The following DHTKD1 variants were observed in gnomAD, a reference collection of about 807,000 sequenced individuals.
The protein encoded by DHTKD1 is dehydrogenase E1 and transketolase domain containing 1, also known as 2-oxoadipate dehydrogenase complex component E1.
In DHTKD1, 78 loss-of-function variants were observed where a neutral mutation model predicts 101.8. That is an observed-to-expected ratio of 0.77 (90% CI 0.64 to 0.93). The LOEUF (loss-of-function observed/expected upper bound fraction) is 0.93, where lower values mean the gene tolerates loss of function less well. Among genes scored for constraint, DHTKD1 ranks in the 40% least tolerant of loss-of-function variants. DHTKD1 has a pLI of 0.00. For missense variants in DHTKD1, 1,223 were observed against 1,161.7 expected, an observed-to-expected ratio of 1.05 and a Z score of -0.77; for synonymous variants, 462 against 450.3, an observed-to-expected ratio of 1.03 and a Z score of -0.33.
intron 5 of DHTKD1, 47 bp downstream of exon 5, chr10:12,089,302 A>G: frequency 6.3e-7 from 1 of 1,579,114 alleles, no homozygotes; most frequent in Non-Finnish European, 8.6e-7. Flanking sequence ...GAAAACTGGG[A>G]AGAATGTGTG....
chr10:12,120,988 G>A lies in DHTKD1; in HGVS notation c.*100G>A, dbSNP rs1833518412. On this transcript the variant is annotated 3_prime_UTR_variant, in exon 17 of 17. Transcript: ENST00000263035. ...TAATCCCAGCACTTTGGGAGGCCAA[G>A]GCTGGTGGATCACCTGAGGTCAGGA... 4 of 1,049,172 alleles carry A rather than the reference G, an allele frequency of 3.8e-6. No homozygotes were observed. Among genetic ancestry groups the A allele is most frequent in the Non-Finnish European group, 5.6e-6 (4 of 711,874 alleles). 65.0% of individuals were successfully genotyped at this position (1,049,172 alleles called of 1,614,324 possible).
intron 1 of DHTKD1, among the ~76,000 whole-genome samples, chr10:12,076,567 G>T (rs886817380): frequency 6.6e-6 from 1 of 150,518 alleles, no homozygotes; most frequent in Non-Finnish European, 1.5e-5. Flanking sequence ...GTGTGATGAC[G>T]TGCACCTGTA....
At chr10:12,069,220 G>C in intron 1 of DHTKD1, 33 bp downstream of exon 1, 1 of 1,515,736 alleles carries the variant, frequency 6.6e-7, no homozygotes, top group Non-Finnish European at 8.8e-7. Context: ...TGGGAGCGGG[G>C]GCTGGGACGC....
At position 12,091,613 on chromosome 10, in the gene DHTKD1, T is replaced by C. The variant is rs1832991192; in HGVS notation, c.1088T>C (p.Ile363Thr). The C allele has an allele frequency of 1.2e-6, 2 of 1,613,714 alleles. No homozygotes were observed. Among genetic ancestry groups the C allele is most frequent in the African/African-American group, 2.7e-5 (2 of 74,848 alleles). ...HFRIGGSVHLIVNNQLGYTTP... is the reference protein window; with the variant it reads ...HFRIGGSVHLTVNNQLGYTTP... Reference sequence around the variant, plus strand: ...AGAATTGGTGGGAGTGTGCATTTGATTGTTAATAACCAGCTGGGTTACACC... The same window carrying C: ...AGAATTGGTGGGAGTGTGCATTTGACTGTTAATAACCAGCTGGGTTACACC... Residue 363 changes from isoleucine (I) to threonine (T), a missense_variant, in exon 6 of 17, where the codon ATT becomes ACT. By Grantham distance (89) the Ile-to-Thr change is moderately conservative. Transcript: ENST00000263035.
intron 7 of DHTKD1, among the ~76,000 whole-genome samples, chr10:12,095,887 T>C (rs1307462391): frequency 6.6e-6 from 1 of 150,802 alleles, no homozygotes; most frequent in Non-Finnish European, 1.5e-5. Flanking sequence ...CGCGTGCCTG[T>C]AGTCCCAGCT....
chr10:12,089,160 G>T lies in DHTKD1; in HGVS notation c.892G>T (p.Val298Leu), dbSNP rs756540722. The T allele has an allele frequency of 1.9e-6, 3 of 1,614,112 alleles. No individual in the cohort carries two copies. The South Asian group carries it at 3.3e-5, about 18-fold the overall frequency. ...SHLEAVNPVAVGKTRGRQQSR... is the reference protein window; with the variant it reads ...SHLEAVNPVALGKTRGRQQSR... ...CCTGGAGGCCGTCAACCCCGTGGCC[G>T]TGGGCAAAACTCGCGGCAGGCAGCA... is the stretch of plus-strand genomic sequence containing the variant. Residue 298 changes from valine (V) to leucine (L), a missense_variant, in exon 5 of 17, where the codon GTG becomes TTG. Physicochemically the swap from Val to Leu is conservative, Grantham distance 32. Transcript: ENST00000263035.
intron 8 of DHTKD1, 45 bp downstream of exon 8, chr10:12,098,041 C>G (rs138799837): frequency 1.3e-6 from 2 of 1,528,622 alleles, no homozygotes; most frequent in Non-Finnish European, 1.8e-6. Flanking sequence ...CCTTCCTGCT[C>G]AGCAAAGGAG....
chr10:12,082,335 C>A (rs1473064749), intron 2 of DHTKD1, among the ~76,000 whole-genome samples: 1 of 152,132 alleles, frequency 6.6e-6, no homozygotes, highest in Admixed American at 6.6e-5. Flanking sequence ...TGATACCCGC[C>A]TCATTCTGTT....
chr10:12,101,236 G>A, intron 10 of DHTKD1, 55 bp downstream of exon 10: 1 of 1,564,882 alleles, frequency 6.4e-7, no homozygotes, highest in Admixed American at 2.0e-5. Flanking sequence ...TACACTTCCA[G>A]GATTCTTAGA....
At chr10:12,113,123 TC>T in intron 13 of DHTKD1, 59 bp downstream of exon 13, 1 of 1,400,704 alleles carries the variant, frequency 7.1e-7, no homozygotes, top group South Asian at 1.4e-5. Context: ...ACTCCATTTT[TC>T]CCTATTTTCC....
At chr10:12,115,038 G>A (rs1173290121) in intron 13 of DHTKD1, among the ~76,000 whole-genome samples, 7 of 151,088 alleles carry the variant, frequency 4.6e-5, no homozygotes, top group African/African-American at 2.4e-5. Context: ...CTCGTGATCC[G>A]CCCGCCTCGG....
chr10:12,107,945 T>G lies in DHTKD1; in HGVS notation c.2084T>G (p.Ile695Ser). 6.2e-7 allele frequency: 1 copy of G among 1,613,966 alleles called. No individual in the cohort carries two copies. The highest frequency in any genetic ancestry group is 8.5e-7 in the Non-Finnish European group (1 of 1,179,896). Residue 695 changes from isoleucine (I) to serine (S), a missense_variant, in exon 12 of 17, where the codon ATC becomes AGC. Ile to Ser is a moderately radical substitution (Grantham distance 142, BLOSUM62 -2). Transcript: ENST00000263035. This position sits in a 1 kb window ranked among gnomAD's most constrained non-coding sequence, Gnocchi z 4.1. The stretch of plus-strand genomic sequence containing the variant: ...TGGCTCCTACAAAGCGGCATCGTCA[T>G]CCTCCTTCCACATGGCTACGATGGG... ...AKWLLQSGIVILLPHGYDGAG... is the reference protein window; with the variant it reads ...AKWLLQSGIVSLLPHGYDGAG...
At chr10:12,114,899 C>A (rs140389258) in intron 13 of DHTKD1, among the ~76,000 whole-genome samples, 13,356 of 150,304 alleles carry the variant, frequency 0.089, 663 homozygotes, top group Non-Finnish European at 0.12. Context: ...GGGTTCAGGC[C>A]ATTCTCCTGC....
intron 11 of DHTKD1, 146 bp downstream of exon 11, chr10:12,106,542 T>A (rs1185204202): frequency 1.0e-6 from 1 of 1,004,592 alleles, no homozygotes; most frequent in African/African-American, 1.6e-5. Context: ...CACCCTGTTA[T>A]GACGGGAGTG....
intron 1 of DHTKD1, among the ~76,000 whole-genome samples, chr10:12,071,493 C>T (rs1044826016): frequency 4.6e-5 from 7 of 152,096 alleles, no homozygotes; most frequent in African/African-American, 1.2e-4. Flanking sequence ...TTTATTAGGC[C>T]GGGCGCGGTG....
Position 12,084,658 on chromosome 10 carries a change from A to T in DHTKD1, c.429A>T (p.Lys143Asn). The stretch of plus-strand genomic sequence containing the variant: ...CCCAACTTCAGAGCCAGGATGAGAA[A>T]GACTGGTTTGCCAAGCGGTTTGAGG... ...ETSQLQSQDEKDWFAKRFEEL... is the reference protein window; with the variant it reads ...ETSQLQSQDENDWFAKRFEEL... The change falls in exon 3 of 17, where the codon AAA (lysine) becomes AAT (asparagine). Residue 143 changes from lysine to asparagine, a missense_variant. Transcript: ENST00000263035. 1 of 1,614,160 alleles carries T rather than the reference A, an allele frequency of 6.2e-7. No individual in the cohort carries two copies. The highest frequency in any genetic ancestry group is 1.6e-4 in the Middle Eastern group (1 of 6,062).
intron 10 of DHTKD1, among the ~76,000 whole-genome samples, chr10:12,104,832 A>C (rs1833219857): frequency 1.3e-5 from 2 of 152,108 alleles, no homozygotes; most frequent in Admixed American, 1.3e-4. Flanking sequence ...AAATGAACAC[A>C]GACATGACTA....
chr10:12,092,173 G>A (rs1387173932), intron 6 of DHTKD1, among the ~76,000 whole-genome samples: 2 of 151,798 alleles, frequency 1.3e-5, no homozygotes, highest in African/African-American at 2.4e-5. Context: ...TAGTAGAGAC[G>A]GGGTTTCACC....
intron 12 of DHTKD1, among the ~76,000 whole-genome samples, chr10:12,109,330 C>T (rs551518442): frequency 2.0e-5 from 3 of 151,572 alleles, no homozygotes; most frequent in South Asian, 2.1e-4. Context: ...ATGATGACAT[C>T]GAGAATTTTA....
Sources: gnomAD v4.1 joint callset for allele counts (sites outside exome capture counted in the v4.1 genomes callset) on GRCh38, gnomAD v4.1.1 for gene constraint, Gnocchi (gnomAD v3.1) non-coding constraint, MANE v1.5 for transcripts, NCBI Gene and HGNC (gene_info 2026-07-23, HGNC 2026-07-21) for gene names.